The following DOK3 variants were observed in gnomAD, a reference collection of about 807,000 sequenced individuals.
The protein encoded by DOK3 is docking protein 3, also known as Dok-like protein.
A neutral mutation model predicts 26.2 loss-of-function variants in DOK3; 23 were observed. The ratio of observed to expected loss-of-function variants is 0.88; its 90% CI spans 0.63 to 1.24. The LOEUF is 1.24. Among genes scored for constraint, DOK3 ranks in the 50% most tolerant of loss-of-function variants. The pLI, the probability that DOK3 is intolerant of heterozygous loss-of-function variation, is 0.00. For synonymous variants in DOK3, 268 were observed against 268.2 expected (o/e 1.00, Z 0.01); for missense variants, 619 against 610.6 (o/e 1.01, Z -0.15).
upstream of DOK3, chr5:177,510,051 A>C (rs1046156419): frequency 1.4e-6 from 1 of 699,220 alleles, no homozygotes; most frequent in Non-Finnish European, 2.4e-6. Flanking sequence ...GCTCCTCTCC[A>C]CCTCACGAGC....
In DOK3 at chr5:177,503,163, C is replaced by T. The variant is rs536458394; in HGVS notation, c.*820G>A. ...CTGGCTCCTAGGATGGCGCCAGGAG[C>T]AGGAGCAGAGGAGGGAACGCAGCAT... On this transcript the variant is annotated 3_prime_UTR_variant, in exon 6 of 6. Transcript: ENST00000510898. 2.0e-6 allele frequency: 3 copies of T among 1,509,454 alleles called. No homozygotes were observed. The highest frequency in any genetic ancestry group is 2.4e-5 in the South Asian group (2 of 82,124). 93.5% of individuals were successfully genotyped at this position (1,509,454 alleles called of 1,614,324 possible).
At chr5:177,505,684 C>T (rs934348767) in intron 3 of DOK3, among the ~76,000 whole-genome samples, 5 of 152,204 alleles carry the variant, frequency 3.3e-5, no homozygotes, top group Non-Finnish European at 7.3e-5. Context: ...CTCTGTCACC[C>T]ATACTTGAGT....
rs758198943 is a variant in DOK3, at chr5:177,504,240, C to A, written c.1066G>T (p.Gly356Cys). 3.7e-6 allele frequency: 6 copies of A among 1,611,254 alleles called. No homozygotes were observed. The highest frequency in any genetic ancestry group is 4.2e-6 in the Non-Finnish European group (5 of 1,178,798). ...CVLEASPTLHGGEPEPHEGPG... is the reference protein window; with the variant it reads ...CVLEASPTLHCGEPEPHEGPG... The stretch of plus-strand genomic sequence containing the variant: ...CCCTCGTGCGGCTCAGGTTCCCCAC[C>A]GTGCAGCGTGGGGCTGGCCTCCAGC... Residue 356 changes from glycine to cysteine, a missense_variant, in exon 6 of 6, where the codon GGT becomes TGT. Gly to Cys is a radical substitution (Grantham distance 159). Transcript: ENST00000510898.
chr5:177,509,915 G>A, upstream of DOK3: 2 of 1,595,324 alleles, frequency 1.3e-6, no homozygotes, highest in South Asian at 2.2e-5. Flanking sequence ...GACACTCCCT[G>A]GCCCTGCCTC....
In DOK3 at chr5:177,503,883, C is replaced by T. The variant is rs1289032016; in HGVS notation, c.*100G>A. 20 of 1,444,674 alleles carry T rather than the reference C, an allele frequency of 1.4e-5. No homozygotes were observed. Among genetic ancestry groups the T allele is most frequent in the Non-Finnish European group, 1.8e-5 (20 of 1,103,030 alleles). 89.5% of individuals were successfully genotyped at this position (1,444,674 alleles called of 1,614,324 possible). A position where few individuals can be genotyped will look rare whatever the true frequency, so the allele number is the denominator to read the frequency against. On this transcript the variant is annotated 3_prime_UTR_variant, in exon 6 of 6. Transcript: ENST00000510898. ...CCTTGTTCCTGCAGGCCAGGGTGGA[C>T]ACAGGCGTGTGTCTGCATGGGCCCA...
At chr5:177,506,369 C>T (rs1032267129) in intron 3 of DOK3, among the ~76,000 whole-genome samples, 19 of 140,470 alleles carry the variant, frequency 1.4e-4, no homozygotes, top group Admixed American at 3.0e-4. Context: ...CTTGCTCTGT[C>T]GGCCAGGCTG....
At position 177,505,144 on chromosome 5, in the gene DOK3, C is replaced by T. The variant is rs372504611; in HGVS notation, c.373-34G>A. On this transcript the variant is annotated intron_variant, in intron 3 of 5. Transcript: ENST00000510898. ...TGAGTTCAAGTCAAAGGTGAGAGCACCGCACTCCCATGCCCTGTCCCCTCC... is the reference window on the plus strand; with the variant it reads ...TGAGTTCAAGTCAAAGGTGAGAGCATCGCACTCCCATGCCCTGTCCCCTCC... 6.4e-5 allele frequency: 100 copies of T among 1,559,072 alleles called. 1 individual carries two copies. The Middle Eastern group carries it at 3.3e-3, about 51-fold the overall frequency.
chr5:177,504,122 G>C lies in DOK3; in HGVS notation c.1184C>G (p.Ala395Gly). 6.2e-7 allele frequency: 1 copy of C among 1,613,778 alleles called. No homozygotes were observed. The highest frequency in any genetic ancestry group is 8.5e-7 in the Non-Finnish European group (1 of 1,179,846). Residue 395 changes from alanine to glycine, a missense_variant, in exon 6 of 6, where the codon GCC becomes GGC. By Grantham distance (60) the Ala-to-Gly change is moderately conservative (BLOSUM62 0). Coordinates refer to ENST00000510898, the MANE Select transcript of DOK3 (RefSeq NM_001308236.3). Reference protein sequence around the residue: ...PGPANDSTLEAQYRRLLELDQ... With the variant: ...PGPANDSTLEGQYRRLLELDQ... ...CAGCTCCAGCAGCCGCCGGTACTGG[G>C]CCTCCAGGGTACTGTCGTTGGCCGG...
At chr5:177,506,635 G>A (rs1404684755) in intron 3 of DOK3, among the ~76,000 whole-genome samples, 2 of 150,414 alleles carry the variant, frequency 1.3e-5, no homozygotes, top group East Asian at 1.9e-4. Flanking sequence ...CACTACGCCC[G>A]GCCCATTTTA....
At position 177,503,554 on chromosome 5, in the gene DOK3, C is replaced by A; in HGVS notation, c.*429G>T. 2.2e-6 allele frequency: 3 copies of A among 1,364,154 alleles called. No homozygotes were observed. The highest frequency in any genetic ancestry group is 2.9e-6 in the Non-Finnish European group (3 of 1,036,916). 84.5% of individuals were successfully genotyped at this position (1,364,154 alleles called of 1,614,324 possible). A position where few individuals can be genotyped will look rare whatever the true frequency, so the allele number is the denominator to read the frequency against. ...CTCCTTCCTGAGTCTGACAAGTAAG[C>A]CTCACAGCTCCCTCCGCCTGCCTCT... On this transcript the variant is annotated 3_prime_UTR_variant, in exon 6 of 6. Transcript: ENST00000510898.
At chr5:177,506,852 G>A (rs1025289076) in intron 3 of DOK3, among the ~76,000 whole-genome samples, 1 of 150,194 alleles carries the variant, frequency 6.7e-6, no homozygotes, top group African/African-American at 2.5e-5. Flanking sequence ...ACCATGCCCA[G>A]CTACTTCTGT....
rs1759577988 is a variant in DOK3 at position 177,503,482 on chromosome 5, C to T, written c.*501G>A. 2 of 1,451,710 alleles carry T rather than the reference C, an allele frequency of 1.4e-6. No homozygotes were observed. The highest frequency in any genetic ancestry group is 1.5e-5 in the South Asian group (1 of 68,584). 89.9% of individuals were successfully genotyped at this position (1,451,710 alleles called of 1,614,324 possible). On this transcript the variant is annotated 3_prime_UTR_variant, in exon 6 of 6. Transcript: ENST00000510898. Reference sequence around the variant, plus strand: ...TCCACCTGCACCCCGCCCCCACTGCCTCCTCCCAGCTCGGGCCTCCGGGTC... The same window carrying T: ...TCCACCTGCACCCCGCCCCCACTGCTTCCTCCCAGCTCGGGCCTCCGGGTC...
rs1033473635 is a variant in DOK3, at chr5:177,503,569, C to T, written c.*414G>A. The stretch of plus-strand genomic sequence containing the variant: ...GACAAGTAAGCCTCACAGCTCCCTC[C>T]GCCTGCCTCTTCGTGTCACTCGGCC... On this transcript the variant is annotated 3_prime_UTR_variant, in exon 6 of 6. Coordinates refer to ENST00000510898, the MANE Select transcript of DOK3 (RefSeq NM_001308236.3). 1.6e-5 allele frequency: 21 copies of T among 1,328,760 alleles called. No homozygotes were observed. Among genetic ancestry groups the T allele is most frequent in the East Asian group, 1.0e-4 (4 of 39,112 alleles). The allele number at this position is 1,328,760 out of a possible 1,614,324, so 82.3% of individuals were successfully genotyped here. A position where few individuals can be genotyped will look rare whatever the true frequency, so the allele number is the denominator to read the frequency against.
At chr5:177,505,324 C>CTG (rs1759973581) in intron 3 of DOK3, among the ~76,000 whole-genome samples, 1 of 152,194 alleles carries the variant, frequency 6.6e-6, no homozygotes, top group Non-Finnish European at 1.5e-5. Flanking sequence ...GCAAGAGGCA[C>CTG]TGTGCTTGAG....
chr5:177,503,544 G>C lies in DOK3; in HGVS notation c.*439C>G, dbSNP rs1265549353. On this transcript the variant is annotated 3_prime_UTR_variant, in exon 6 of 6. Transcript: ENST00000510898. ...CCTCATGTTGCTCCTTCCTGAGTCT[G>C]ACAAGTAAGCCTCACAGCTCCCTCC... The C allele has an allele frequency of 1.0e-5, 14 of 1,398,342 alleles. No individual in the cohort carries two copies. The Admixed American group carries it at 3.7e-4, about 37-fold the overall frequency. The allele number at this position is 1,398,342 out of a possible 1,614,324, so 86.6% of individuals were successfully genotyped here. A position where few individuals can be genotyped will look rare whatever the true frequency, so the allele number is the denominator to read the frequency against.
chr5:177,504,284 A>C lies in DOK3; in HGVS notation c.1022T>G (p.Leu341Arg). 4 of 1,608,562 alleles carry C rather than the reference A, an allele frequency of 2.5e-6. No homozygotes were observed. Among genetic ancestry groups the C allele is most frequent in the Non-Finnish European group, 3.4e-6 (4 of 1,177,254 alleles). The change falls in exon 6 of 6, where the codon CTC (leucine) becomes CGC (arginine). Residue 341 changes from leucine to arginine, a missense_variant. By Grantham distance (102) the Leu-to-Arg change is moderately radical (BLOSUM62 -2). Transcript: ENST00000510898. ...CTCCAGCACACACAGGTTCTCATAG[A>C]GGTGCTCATTGCCTGGGGGCCCACT... Reference protein sequence around the residue: ...RASGPPGNEHLYENLCVLEAS... With the variant: ...RASGPPGNEHRYENLCVLEAS...
In DOK3 at chr5:177,502,920, C is replaced by T. The variant is rs1047659058; in HGVS notation, c.*1063G>A. 21 of 837,010 alleles carry T rather than the reference C, an allele frequency of 2.5e-5. No homozygotes were observed. Among genetic ancestry groups the T allele is most frequent in the Non-Finnish European group, 3.1e-5 (17 of 548,876 alleles). 51.8% of individuals were successfully genotyped at this position (837,010 alleles called of 1,614,324 possible). On this transcript the variant is annotated 3_prime_UTR_variant, in exon 6 of 6. Transcript: ENST00000510898. ...GAGCCAGAAAAGGGTCCCTGCAGGT[C>T]GACATGCCTAGGCAGGGGCGGTACT...
chr5:177,503,104 C>T lies in DOK3; in HGVS notation c.*879G>A. On this transcript the variant is annotated 3_prime_UTR_variant, in exon 6 of 6. Transcript: ENST00000510898. ...GAGTTGCGGTGAGGGGCTGGGCAGTCAGAGCCCTGGAGGCATGACGCTTGC... is the reference window on the plus strand; with the variant it reads ...GAGTTGCGGTGAGGGGCTGGGCAGTTAGAGCCCTGGAGGCATGACGCTTGC... 1.3e-6 allele frequency: 2 copies of T among 1,550,604 alleles called. No homozygotes were observed. Among genetic ancestry groups the T allele is most frequent in the South Asian group, 1.2e-5 (1 of 84,022 alleles).
intron 3 of DOK3, among the ~76,000 whole-genome samples, chr5:177,507,906 G>A (rs960741095): frequency 6.6e-6 from 1 of 152,112 alleles, no homozygotes; most frequent in Non-Finnish European, 1.5e-5. Flanking sequence ...GTCCGGCCTC[G>A]GGGCCTCTGC....
Sources: allele counts gnomAD v4.1 joint callset (sites outside exome capture counted in the v4.1 genomes callset), GRCh38; gene constraint gnomAD v4.1.1; transcripts MANE v1.5; gene names NCBI Gene and HGNC (gene_info 2026-07-23, HGNC 2026-07-21).